PLXNA1: variants seen among roughly 807,000 people sequenced by gnomAD.
The protein encoded by PLXNA1 is plexin A1.
Under a neutral mutation model 191.7 loss-of-function variants are expected in PLXNA1, and 77 were observed. That is an observed-to-expected ratio of 0.40 (90% confidence interval 0.33 to 0.49). The LOEUF (loss-of-function observed/expected upper bound fraction) is 0.49, where lower values mean the gene tolerates loss of function less well. Among genes scored for constraint, PLXNA1 ranks in the 20% least tolerant of loss-of-function variants. The probability of loss-of-function intolerance (pLI) is 0.63; values close to 1 mark genes in which losing one functional copy is unlikely to be tolerated. For missense variants in PLXNA1, 2,110 were observed against 2,660.2 expected, an observed-to-expected ratio of 0.79 and a Z score of 4.55; for synonymous variants, 1,137 against 1,156.4, an observed-to-expected ratio of 0.98 and a Z score of 0.34.
chr3:127,015,388 T>G, intron 15 of PLXNA1, 68 bp downstream of exon 15: 1 of 1,541,736 alleles, frequency 6.5e-7, no homozygotes, highest in Non-Finnish European at 8.7e-7. Flanking sequence ...TGCATGCCCC[T>G]TCTTGTTGCC....
intron 23 of PLXNA1, among the ~76,000 whole-genome samples, chr3:127,025,274 A>C (rs756699102): frequency 6.6e-6 from 1 of 152,160 alleles, no homozygotes; most frequent in South Asian, 2.1e-4. Flanking sequence ...CATTGTCTCC[A>C]TAAGTTATGC....
chr3:127,028,795 G>GC, intron 25 of PLXNA1, 198 bp from the exon 26 acceptor site: 1 of 593,208 alleles, frequency 1.7e-6, no homozygotes, highest in Non-Finnish European at 3.0e-6. Context: ...GGCTGGGGCT[G>GC]CTGTGGCAGA....
intron 10 of PLXNA1, 23 bp downstream of exon 10, chr3:127,012,181 TGG>T (rs1192559541): frequency 6.2e-7 from 1 of 1,602,798 alleles, no homozygotes; most frequent in East Asian, 2.2e-5. Context: ...GGGCAGGGGC[TGG>T]GGGCCGTGAG....
intron 3 of PLXNA1, among the ~76,000 whole-genome samples, chr3:126,995,939 T>C (rs369187275): frequency 6.6e-6 from 1 of 152,158 alleles, no homozygotes; most frequent in Non-Finnish European, 1.5e-5. Flanking sequence ...CCTGTGGCGG[T>C]CCCTGCACAG....
At chr3:126,985,110 G>A (rs2078951885) in intron 1 of PLXNA1, among the ~76,000 whole-genome samples, 1 of 152,208 alleles carries the variant, frequency 6.6e-6, no homozygotes, top group Non-Finnish European at 1.5e-5. Context: ...GGCGCAGGAG[G>A]ACTTGGGGGG....
chr3:127,010,200 C>T (rs901679859), intron 9 of PLXNA1, among the ~76,000 whole-genome samples: 4 of 152,082 alleles, frequency 2.6e-5, no homozygotes, highest in Non-Finnish European at 5.9e-5. Flanking sequence ...TGGGGACAAC[C>T]GGACCTGGCT....
rs548725307 is a variant in PLXNA1 at position 127,003,727 on chromosome 3, G to A, written c.1518+257G>A. ...TCCATGTTCTCCTGGGCTGGGTTTG[G>A]CATTCCCACCCCTCCCCTGTTGACT... On this transcript the variant is annotated intron_variant, in intron 4 of 31. Coordinates refer to ENST00000393409, the MANE Select transcript of PLXNA1 (RefSeq NM_032242.4). Among the ~76,000 whole-genome samples the A allele has an allele frequency of 3.9e-5, 6 of 152,336 alleles. No homozygotes were observed. The East Asian group carries it at 9.6e-4, about 24-fold the overall frequency.
chr3:126,988,870 G>C lies in PLXNA1; in HGVS notation c.277G>C (p.Glu93Gln). Residue 93 changes from glutamate to glutamine, a missense_variant, in exon 2 of 32, where the codon GAG (glutamate) becomes CAG (glutamine). Physicochemically the swap from Glu to Gln is conservative, Grantham distance 29. This residue lies in a region of PLXNA1 where 903 missense variants were observed against 1,015.7 expected (regional missense o/e 0.89). Coordinates refer to ENST00000393409, the MANE Select transcript of PLXNA1 (RefSeq NM_032242.4). ...AHVTGPVEDN[E>Q]KCYPPPSVQS... is the part of the protein sequence containing the mutation. ...CGTCACGGGCCCTGTGGAGGACAAC[G>C]AGAAGTGCTACCCGCCGCCCAGCGT... is the stretch of plus-strand genomic sequence containing the variant. 6.2e-7 allele frequency: 1 copy of C among 1,613,396 alleles called. No homozygotes were observed.
intron 3 of PLXNA1, among the ~76,000 whole-genome samples, chr3:127,001,742 G>T (rs1291648454): frequency 6.6e-6 from 1 of 152,220 alleles, no homozygotes; most frequent in African/African-American, 2.4e-5. Context: ...GATTGCTGTG[G>T]GCCTGGCCAC....
At chr3:127,033,862 G>C in intron 31 of PLXNA1, 60 bp from the exon 32 acceptor site, 1 of 1,433,384 alleles carries the variant, frequency 7.0e-7, no homozygotes. Context: ...TCTGCCCTGG[G>C]CCTGCTGAGT....
Position 127,029,870 on chromosome 3 carries a change from G to A in PLXNA1, c.4871-4G>A. The A allele has an allele frequency of 1.9e-6, 3 of 1,602,396 alleles. No individual in the cohort carries two copies. The highest frequency in any genetic ancestry group is 2.6e-6 in the Non-Finnish European group (3 of 1,171,944). On this transcript the variant is annotated splice_region_variant and splice_polypyrimidine_tract_variant and intron_variant, in intron 27 of 31. Transcript: ENST00000393409. ...ACGCGGGCGCTGACAGCCTGGTGCT[G>A]CAGAGAGCATGCTGCGCACGGCCAG...
intron 3 of PLXNA1, among the ~76,000 whole-genome samples, chr3:126,993,352 A>G (rs1374380607): frequency 1.3e-5 from 2 of 152,082 alleles, no homozygotes; most frequent in Admixed American, 1.3e-4. Context: ...CCTAGTCCCA[A>G]GGAGGACCGT....
intron 2 of PLXNA1, among the ~76,000 whole-genome samples, chr3:126,990,617 C>T (rs1465979443): frequency 2.0e-5 from 3 of 152,196 alleles, no homozygotes; most frequent in South Asian, 2.1e-4. Context: ...GGGAAGGCCT[C>T]GCCCTCTCTG....
chr3:127,015,041 TG>T, intron 14 of PLXNA1, 142 bp from the exon 15 acceptor site: 1 of 1,359,174 alleles, frequency 7.4e-7, no homozygotes. Flanking sequence ...CTGGAAGTAC[TG>T]GCTCTGAAGT....
At chr3:126,999,593 G>A (rs945177072) in intron 3 of PLXNA1, among the ~76,000 whole-genome samples, 10 of 152,330 alleles carry the variant, frequency 6.6e-5, no homozygotes, top group East Asian at 1.9e-4. Context: ...CCCTCAGCCC[G>A]GAGAATGGGC....
intron 22 of PLXNA1, 87 bp from the exon 23 acceptor site, chr3:127,022,665 T>C (rs1225127180): frequency 2.0e-6 from 2 of 1,023,280 alleles, no homozygotes; most frequent in Non-Finnish European, 2.9e-6. Context: ...CAGGGTGGGG[T>C]GGGATCGGTG....
At chr3:127,013,502 A>G (rs1004851742) in intron 10 of PLXNA1, among the ~76,000 whole-genome samples, 1 of 152,200 alleles carries the variant, frequency 6.6e-6, no homozygotes, top group Admixed American at 6.5e-5. Context: ...GGGGAGGGGC[A>G]GTTCCCCTGG....
chr3:126,984,141 G>A (rs2078945825), intron 1 of PLXNA1, among the ~76,000 whole-genome samples: 2 of 152,212 alleles, frequency 1.3e-5, no homozygotes, highest in South Asian at 4.1e-4. Context: ...AGGGGAAGGG[G>A]GAGTGGGGAC....
At chr3:126,994,860 G>A (rs2079007503) in intron 3 of PLXNA1, among the ~76,000 whole-genome samples, 1 of 151,874 alleles carries the variant, frequency 6.6e-6, no homozygotes, top group Non-Finnish European at 1.5e-5. Context: ...GCTCCCTCCT[G>A]CCTGTTCACA....
Sources: gnomAD v4.1 joint callset for allele counts (sites outside exome capture counted in the v4.1 genomes callset) on GRCh38, gnomAD v4.1.1 for gene constraint, gnomAD v4.1.1 regional missense constraint, MANE v1.5 for transcripts, NCBI Gene and HGNC (gene_info 2026-07-23, HGNC 2026-07-21) for gene names.